LRRC7: variants seen among roughly 807,000 people sequenced by gnomAD.
LRRC7 encodes leucine rich repeat containing 7.
Under a neutral mutation model 175.7 loss-of-function variants are expected in LRRC7, and 23 were observed. That is an observed-to-expected ratio of 0.13 (90% CI 0.09 to 0.19). LRRC7 has a LOEUF of 0.19. LRRC7 is among the 10% of genes least tolerant of loss of function. The pLI, the probability that LRRC7 is intolerant of heterozygous loss-of-function variation, is 1.00. For missense variants in LRRC7, 1,354 were observed against 1,904.7 expected, an observed-to-expected ratio of 0.71 and a Z score of 5.38; for synonymous variants, 685 against 680.9, an observed-to-expected ratio of 1.01 and a Z score of -0.09.
At chr1:69,996,170 T>G (rs1654942997) in intron 11 of LRRC7, among the ~76,000 whole-genome samples, 2 of 151,438 alleles carry the variant, frequency 1.3e-5, no homozygotes, top group Non-Finnish European at 2.9e-5. Context: ...GTGAGCATTT[T>G]TTCATGTGTT....
In LRRC7 at chr1:70,117,192, T is replaced by C. The variant is rs1665918765; in HGVS notation, c.4621-4588T>C. On this transcript the variant is annotated intron_variant, in intron 26 of 26. Transcript: ENST00000651989. ...GAGTTTAAAATGAACTGTGCTGTCC[T>C]CCCTGTTGGATAATCCCACCAACCC... Among the ~76,000 whole-genome samples, 3 of 152,328 alleles carry C rather than the reference T, an allele frequency of 2.0e-5. No individual in the cohort carries two copies. In the South Asian group the frequency reaches 6.2e-4, roughly 32 times the overall value.
intron 7 of LRRC7, chr1:69,919,377 G>A: frequency 3.2e-6 from 2 of 618,058 alleles, no homozygotes; most frequent in Middle Eastern, 4.3e-4. Flanking sequence ...AGGAGAAACT[G>A]CCGCCTGGCT....
chr1:69,938,005 T>A (rs1648228694), intron 8 of LRRC7, among the ~76,000 whole-genome samples: 2 of 151,912 alleles, frequency 1.3e-5, no homozygotes, highest in African/African-American at 4.8e-5. Flanking sequence ...ATTTCTAAAT[T>A]ATAGGCTACT....
In LRRC7 at chr1:70,141,273, AG is replaced by A. The variant is rs1215063111; in HGVS notation, c.*19387del. On this transcript the variant is annotated 3_prime_UTR_variant, in exon 27 of 27. Coordinates refer to ENST00000651989, the MANE Select transcript of LRRC7 (RefSeq NM_001370785.2). Reference sequence around the variant, plus strand: ...AAATAAGGAAATGGAGCATGGAGAAAGAAAGGGTTTTTAAGAGTTAAGTCAG... The same window carrying A: ...AAATAAGGAAATGGAGCATGGAGAAAAAAGGGTTTTTAAGAGTTAAGTCAG... 1 of 149,360 alleles carries A rather than the reference AG, an allele frequency of 6.7e-6. No individual in the cohort carries two copies. Among genetic ancestry groups the A allele is most frequent in the East Asian group, 1.9e-4 (1 of 5,190 alleles). 9.3% of individuals were successfully genotyped at this position (149,360 alleles called of 1,614,324 possible).
chr1:69,595,429 A>C (rs1207171520), intron 1 of LRRC7, among the ~76,000 whole-genome samples: 1 of 152,088 alleles, frequency 6.6e-6, no homozygotes, highest in Non-Finnish European at 1.5e-5. Flanking sequence ...AACAAACAAA[A>C]AACAAACAAA....
Position 70,125,741 on chromosome 1 carries a change from G to A in LRRC7, c.*3854G>A, listed in dbSNP as rs1419655060. On this transcript the variant is annotated 3_prime_UTR_variant, in exon 27 of 27. Coordinates refer to ENST00000651989, the MANE Select transcript of LRRC7 (RefSeq NM_001370785.2). ...CAGGAGGCGGAGCTTGCAGTGAGCC[G>A]AGATCCCGCCACTGCACTCCAGCCT... Among the ~76,000 whole-genome samples, 2 of 132,936 alleles carry A rather than the reference G, an allele frequency of 1.5e-5. No homozygotes were observed. The highest frequency in any genetic ancestry group is 1.6e-5 in the Non-Finnish European group (1 of 64,390). The allele number at this position is 132,936 out of a possible 152,430, so 87.2% of individuals were successfully genotyped here.
intron 1 of LRRC7, among the ~76,000 whole-genome samples, chr1:69,631,504 G>A (rs1206257867): frequency 2.0e-5 from 3 of 152,054 alleles, no homozygotes. Flanking sequence ...GATTGTGGAT[G>A]GGGGTGATGT....
At chr1:69,736,540 C>T (rs1271295395) in intron 2 of LRRC7, among the ~76,000 whole-genome samples, 1 of 152,098 alleles carries the variant, frequency 6.6e-6, no homozygotes, top group East Asian at 1.9e-4. Context: ...TAGGTAATGA[C>T]TGTCTTTCCA....
At chr1:69,775,733 G>A (rs76473371) in intron 3 of LRRC7, among the ~76,000 whole-genome samples, 1 of 152,126 alleles carries the variant, frequency 6.6e-6, no homozygotes, top group Non-Finnish European at 1.5e-5. Flanking sequence ...TTCTAAGAGA[G>A]AACCATAAAT....
chr1:69,602,054 A>C (rs1647096126), intron 1 of LRRC7, among the ~76,000 whole-genome samples: 1 of 152,200 alleles, frequency 6.6e-6, no homozygotes, highest in South Asian at 2.1e-4. Context: ...GAATCTTAAG[A>C]AGTTGGAAGG....
At chr1:69,915,175 C>G (rs1474965543) in intron 7 of LRRC7, among the ~76,000 whole-genome samples, 1 of 152,116 alleles carries the variant, frequency 6.6e-6, no homozygotes, top group Non-Finnish European at 1.5e-5. Context: ...ACCACATCAT[C>G]TTTAAGGGGA....
chr1:70,066,945 T>C (rs745325583), intron 23 of LRRC7, among the ~76,000 whole-genome samples: 1 of 152,122 alleles, frequency 6.6e-6, no homozygotes, highest in Non-Finnish European at 1.5e-5. Flanking sequence ...TGTAGTGATA[T>C]ATACACTTAC....
chr1:69,766,536 T>C (rs910209768), intron 3 of LRRC7, among the ~76,000 whole-genome samples: 1 of 152,130 alleles, frequency 6.6e-6, no homozygotes, highest in Non-Finnish European at 1.5e-5. Context: ...AGAAAAGTTA[T>C]ACAGATATTT....
chr1:70,013,743 T>C (rs544856125), intron 13 of LRRC7, among the ~76,000 whole-genome samples: 152 of 152,118 alleles, frequency 1.0e-3, no homozygotes, highest in African/African-American at 3.5e-3. Context: ...AAATATTGAC[T>C]AGAGATAACA....
chr1:69,591,306 A>C (rs528871216), intron 1 of LRRC7, among the ~76,000 whole-genome samples: 98 of 152,212 alleles, frequency 6.4e-4, no homozygotes, highest in Non-Finnish European at 1.1e-3. Context: ...CAGAATATAC[A>C]TTTTAGTTCA....
chr1:70,088,371 A>G (rs1663768051), intron 24 of LRRC7, among the ~76,000 whole-genome samples: 2 of 152,030 alleles, frequency 1.3e-5, no homozygotes, highest in Non-Finnish European at 2.9e-5. Context: ...AGCCCGGGCA[A>G]CACAGCAAGA....
intron 3 of LRRC7, among the ~76,000 whole-genome samples, chr1:69,781,735 GAGAGAGAGAGAGAGAGAGAGAGAGAGAGA>G (rs1673605684): frequency 3.5e-5 from 1 of 28,634 alleles, no homozygotes; most frequent in Non-Finnish European, 5.7e-5. Flanking sequence ...AAGAAAGAAA[GAGAGAGAGAGAGAGAGAGAGAGAGAGAGA>G]GAAAGAAAGA....
At chr1:70,046,822 T>G (rs1463511214) in intron 22 of LRRC7, among the ~76,000 whole-genome samples, 1 of 152,046 alleles carries the variant, frequency 6.6e-6, no homozygotes, top group African/African-American at 2.4e-5. Flanking sequence ...ATTTGAAAAT[T>G]TGTTAGGTTT....
intron 2 of LRRC7, among the ~76,000 whole-genome samples, chr1:69,733,867 T>C (rs980228817): frequency 1.3e-5 from 2 of 152,048 alleles, no homozygotes; most frequent in East Asian, 1.9e-4. Context: ...GTCATCATAC[T>C]TTCTTTTTAT....
Sources: allele counts gnomAD v4.1 joint callset (sites outside exome capture counted in the v4.1 genomes callset), GRCh38; gene constraint gnomAD v4.1.1; transcripts MANE v1.5; gene names NCBI Gene and HGNC (gene_info 2026-07-23, HGNC 2026-07-21).